The following AGBL4 variants were observed in gnomAD, a reference collection of about 807,000 sequenced individuals.
AGBL4 encodes the protein cytosolic carboxypeptidase 6.
Under a neutral mutation model 66.4 loss-of-function variants are expected in AGBL4, and 58 were observed. The ratio of observed to expected loss-of-function variants is 0.87; its 90% CI spans 0.71 to 1.09. AGBL4 has a LOEUF of 1.09. Ranked by LOEUF, AGBL4 falls within the 50% of genes least tolerant of loss-of-function variation. The pLI, the probability that AGBL4 is intolerant of heterozygous loss-of-function variation, is 0.00. For synonymous variants in AGBL4, 234 were observed against 222.9 expected, an observed-to-expected ratio of 1.05 and a Z score of -0.44; for missense variants, 579 against 631.0, an observed-to-expected ratio of 0.92 and a Z score of 0.88.
Position 49,128,304 on chromosome 1 carries a change from A to G in AGBL4, c.378-82504T>C, listed in dbSNP as rs138767275. On this transcript the variant is annotated intron_variant, in intron 4 of 13. Transcript: ENST00000371839. Reference sequence around the variant, plus strand: ...TTGGAAGGTTAAATATTATTATGCTATCAATTATCCTAAAATTAACCTATA... The same window carrying G: ...TTGGAAGGTTAAATATTATTATGCTGTCAATTATCCTAAAATTAACCTATA... Among the ~76,000 whole-genome samples, 154 of 152,156 alleles carry G rather than the reference A, an allele frequency of 1.0e-3. 1 individual carries two copies. The highest frequency in any genetic ancestry group is 3.6e-3 in the African/African-American group (148 of 41,552).
intron 9 of AGBL4, among the ~76,000 whole-genome samples, chr1:48,626,862 G>A (rs1275751979): frequency 2.0e-5 from 3 of 152,140 alleles, no homozygotes; most frequent in East Asian, 3.9e-4. Context: ...TGACACAGTC[G>A]GCAAGTGCCC....
intron 3 of AGBL4, among the ~76,000 whole-genome samples, chr1:49,471,467 C>T (rs1305640108): frequency 2.0e-5 from 3 of 151,844 alleles, no homozygotes; most frequent in African/African-American, 4.8e-5. Flanking sequence ...AACTAAAACT[C>T]TTGGACTTTA....
At position 49,414,193 on chromosome 1, in the gene AGBL4, A is replaced by G. The variant is rs187539972; in HGVS notation, c.283-168329T>C. On this transcript the variant is annotated intron_variant, in intron 3 of 13. Coordinates refer to ENST00000371839, the MANE Select transcript of AGBL4 (RefSeq NM_032785.4). ...TTTATAAAATTGTATATGTAGACACATACACATATATATAAGCCCATATAG... is the reference window on the plus strand; with the variant it reads ...TTTATAAAATTGTATATGTAGACACGTACACATATATATAAGCCCATATAG... Among the ~76,000 whole-genome samples, 793 of 152,282 alleles carry G rather than the reference A, an allele frequency of 5.2e-3. 3 individuals are homozygous for G. The highest frequency in any genetic ancestry group is 0.014 in the Middle Eastern group (4 of 294).
chr1:48,560,001 T>C (rs1644373443), intron 11 of AGBL4, among the ~76,000 whole-genome samples: 1 of 152,152 alleles, frequency 6.6e-6, no homozygotes, highest in Non-Finnish European at 1.5e-5. Context: ...CCTTCTATCT[T>C]GGTCTCAGTC....
intron 1 of AGBL4, among the ~76,000 whole-genome samples, chr1:49,960,039 G>A (rs1159896933): frequency 6.6e-6 from 1 of 151,634 alleles, no homozygotes; most frequent in Non-Finnish European, 1.5e-5. Context: ...GAGCGGGGAG[G>A]GGATCAGAAA....
At position 49,532,102 on chromosome 1, in the gene AGBL4, A is replaced by G. The variant is rs1303454432; in HGVS notation, c.282+165211T>C. 2.6e-5 allele frequency among the ~76,000 whole-genome samples: 4 copies of G among 152,128 alleles called. 1 individual carries two copies. Among genetic ancestry groups the G allele is most frequent in the Non-Finnish European group, 5.9e-5 (4 of 68,006 alleles). Reference sequence around the variant, plus strand: ...TCCCATCAGTTTGATTTCACAGGAAAGAAATCCCCTTCCCTCATCTGTATG... The same window carrying G: ...TCCCATCAGTTTGATTTCACAGGAAGGAAATCCCCTTCCCTCATCTGTATG... On this transcript the variant is annotated intron_variant, in intron 3 of 13. Coordinates refer to ENST00000371839, the MANE Select transcript of AGBL4 (RefSeq NM_032785.4).
At chr1:49,282,368 A>G (rs1276898890) in intron 3 of AGBL4, among the ~76,000 whole-genome samples, 1 of 152,208 alleles carries the variant, frequency 6.6e-6, no homozygotes, top group Non-Finnish European at 1.5e-5. Flanking sequence ...TTTGTCTCAA[A>G]AAAAGGAGTA....
chr1:48,607,482 G>T (rs1158529886), intron 9 of AGBL4, among the ~76,000 whole-genome samples: 1 of 152,264 alleles, frequency 6.6e-6, no homozygotes, highest in South Asian at 2.1e-4. Context: ...GCCAGGTGTG[G>T]TGGTGTGCGC....
At chr1:48,897,970 C>T (rs1217114365) in intron 5 of AGBL4, among the ~76,000 whole-genome samples, 2 of 151,932 alleles carry the variant, frequency 1.3e-5, no homozygotes, top group East Asian at 3.9e-4. Context: ...CCACCATACC[C>T]GGCTAATTTT....
intron 3 of AGBL4, among the ~76,000 whole-genome samples, chr1:49,682,081 T>C (rs1365879446): frequency 1.3e-5 from 2 of 152,190 alleles, no homozygotes; most frequent in Admixed American, 1.3e-4. Flanking sequence ...TAATTATCTA[T>C]TAATTTAAGA....
At chr1:48,692,473 C>A (rs146295717) in intron 6 of AGBL4, among the ~76,000 whole-genome samples, 1 of 152,094 alleles carries the variant, frequency 6.6e-6, no homozygotes, top group African/African-American at 2.4e-5. Context: ...ATGCAGGAGG[C>A]GGAAAGAAGT....
intron 5 of AGBL4, among the ~76,000 whole-genome samples, chr1:48,954,843 T>C (rs1657300902): frequency 6.6e-6 from 1 of 152,066 alleles, no homozygotes; most frequent in Non-Finnish European, 1.5e-5. Context: ...ACACTACAGA[T>C]CTGGAAGGTA....
intron 3 of AGBL4, among the ~76,000 whole-genome samples, chr1:49,255,495 C>G (rs1208708766): frequency 6.6e-6 from 1 of 152,028 alleles, no homozygotes; most frequent in African/African-American, 2.4e-5. Flanking sequence ...GAATGGCTAT[C>G]ATTAAAATGT....
chr1:49,728,842 A>G (rs1300790857), intron 2 of AGBL4, among the ~76,000 whole-genome samples: 1 of 152,228 alleles, frequency 6.6e-6, no homozygotes, highest in Non-Finnish European at 1.5e-5. Flanking sequence ...GGAGTCTTCA[A>G]AGGGCAGGCT....
intron 6 of AGBL4, among the ~76,000 whole-genome samples, chr1:48,775,807 T>G (rs1279225957): frequency 6.6e-6 from 1 of 152,226 alleles, no homozygotes; most frequent in African/African-American, 2.4e-5. Flanking sequence ...CCTTAGCCCA[T>G]CTCTCAGGGC....
intron 10 of AGBL4, among the ~76,000 whole-genome samples, chr1:48,587,850 G>T (rs983062452): frequency 1.3e-5 from 2 of 151,522 alleles, no homozygotes; most frequent in East Asian, 3.9e-4. Flanking sequence ...CACTGTGTTA[G>T]CCAGGATGGT....
intron 4 of AGBL4, among the ~76,000 whole-genome samples, chr1:49,110,054 A>T (rs1204646911): frequency 6.6e-6 from 1 of 152,224 alleles, no homozygotes; most frequent in Non-Finnish European, 1.5e-5. Flanking sequence ...GCAACTTTCA[A>T]ACTAATTTGC....
intron 1 of AGBL4, among the ~76,000 whole-genome samples, chr1:49,976,845 T>C (rs1200505950): frequency 6.6e-6 from 1 of 152,216 alleles, no homozygotes; most frequent in African/African-American, 2.4e-5. Flanking sequence ...CTGACTTTAG[T>C]TCTTCTAAAA....
intron 3 of AGBL4, among the ~76,000 whole-genome samples, chr1:49,601,123 G>A (rs921195469): frequency 2.0e-5 from 3 of 152,024 alleles, no homozygotes; most frequent in Non-Finnish European, 2.9e-5. Context: ...TGCTCTTCTC[G>A]AGGAATATCT....
Sources: allele counts gnomAD v4.1 joint callset (sites outside exome capture counted in the v4.1 genomes callset), GRCh38; gene constraint gnomAD v4.1.1; transcripts MANE v1.5; gene names NCBI Gene and HGNC (gene_info 2026-07-23, HGNC 2026-07-21).